PDZRN4: variants seen among roughly 807,000 people sequenced by gnomAD.
PDZRN4 encodes the protein PDZ domain-containing RING finger protein 4.
A neutral mutation model predicts 99.0 loss-of-function variants in PDZRN4; 70 were observed. The ratio of observed to expected loss-of-function variants is 0.71; its 90% CI spans 0.58 to 0.86. The LOEUF is 0.86. Among genes scored for constraint, PDZRN4 ranks in the 40% least tolerant of loss-of-function variants. The probability of loss-of-function intolerance (pLI) is 0.00; values close to 1 mark genes in which losing one functional copy is unlikely to be tolerated. For synonymous variants in PDZRN4, 551 were observed against 501.6 expected, an observed-to-expected ratio of 1.10 and a Z score of -1.32; for missense variants, 1,474 against 1,331.2, an observed-to-expected ratio of 1.11 and a Z score of -1.67.
chr12:41,424,686 A>G (rs1429388454), intron 3 of PDZRN4, among the ~76,000 whole-genome samples: 1 of 152,180 alleles, frequency 6.6e-6, no homozygotes, highest in East Asian at 1.9e-4. Context: ...TTTCATGAAG[A>G]AAAGGTGAAT....
chr12:41,197,584 T>A (rs1950781924), intron 3 of PDZRN4, among the ~76,000 whole-genome samples: 1 of 152,212 alleles, frequency 6.6e-6, no homozygotes, highest in African/African-American at 2.4e-5. Flanking sequence ...AAAATATCAC[T>A]GGAGACTGAA....
intron 5 of PDZRN4, among the ~76,000 whole-genome samples, chr12:41,516,032 C>G (rs569349094): frequency 6.6e-6 from 1 of 152,004 alleles, no homozygotes; most frequent in South Asian, 2.1e-4. Flanking sequence ...TGCCTTTGCT[C>G]ATGGGCTGCT....
At chr12:41,405,123 G>A (rs1485557841) in intron 3 of PDZRN4, among the ~76,000 whole-genome samples, 1 of 151,916 alleles carries the variant, frequency 6.6e-6, no homozygotes, top group African/African-American at 2.4e-5. Flanking sequence ...GTGGGACCTA[G>A]TAACTAAAGA....
intron 3 of PDZRN4, among the ~76,000 whole-genome samples, chr12:41,454,426 AT>A (rs139732984): frequency 9.8e-5 from 15 of 152,286 alleles, no homozygotes; most frequent in South Asian, 4.1e-4. Flanking sequence ...TAAAAGATGT[AT>A]TTTTTTCTTT....
chr12:41,499,226 A>C (rs1251305357), intron 3 of PDZRN4, among the ~76,000 whole-genome samples: 1 of 152,064 alleles, frequency 6.6e-6, no homozygotes, highest in Non-Finnish European at 1.5e-5. Context: ...AACAGTAGAG[A>C]TCCTGGGTGA....
chr12:41,434,486 T>C (rs1436343042), intron 3 of PDZRN4, among the ~76,000 whole-genome samples: 1 of 152,322 alleles, frequency 6.6e-6, no homozygotes, highest in East Asian at 1.9e-4. Flanking sequence ...TAATCTTCAA[T>C]TATTAGTCAG....
intron 3 of PDZRN4, among the ~76,000 whole-genome samples, chr12:41,423,957 G>A (rs536220195): frequency 5.4e-4 from 82 of 152,258 alleles, no homozygotes; most frequent in African/African-American, 1.9e-3. Context: ...AGTTCACGTT[G>A]TAGGGTTGGA....
chr12:41,374,659 G>T (rs1200756897), intron 3 of PDZRN4, among the ~76,000 whole-genome samples: 2 of 152,094 alleles, frequency 1.3e-5, no homozygotes, highest in Admixed American at 6.6e-5. Flanking sequence ...TGAATGGAGG[G>T]GATAAATTGA....
At chr12:41,570,523 G>A (rs1039273544) in intron 9 of PDZRN4, among the ~76,000 whole-genome samples, 4 of 152,138 alleles carry the variant, frequency 2.6e-5, no homozygotes, top group Middle Eastern at 3.4e-3. Flanking sequence ...TATGAATGCC[G>A]TTACATTGTG....
intron 3 of PDZRN4, among the ~76,000 whole-genome samples, chr12:41,431,512 C>T (rs1952585686): frequency 6.6e-6 from 1 of 152,200 alleles, no homozygotes; most frequent in African/African-American, 2.4e-5. Context: ...GAATCTTCCT[C>T]AGGTCTGTTA....
intron 3 of PDZRN4, among the ~76,000 whole-genome samples, chr12:41,435,063 T>G (rs1407045580): frequency 6.6e-6 from 1 of 152,118 alleles, no homozygotes; most frequent in African/African-American, 2.4e-5. Flanking sequence ...GAAGGTAGAA[T>G]CTCTCCAGGG....
chr12:41,340,220 G>A (rs998853737), intron 3 of PDZRN4, among the ~76,000 whole-genome samples: 1 of 151,966 alleles, frequency 6.6e-6, no homozygotes, highest in Non-Finnish European at 1.5e-5. Flanking sequence ...TGCAGTACAT[G>A]TATAGAATAG....
chr12:41,247,220 G>C (rs551461737), intron 3 of PDZRN4, among the ~76,000 whole-genome samples: 152 of 152,234 alleles, frequency 1.0e-3, no homozygotes, highest in Admixed American at 1.7e-3. Flanking sequence ...TATCACAGCT[G>C]GTTGAGAAGA....
chr12:41,485,004 A>G (rs374577385), intron 3 of PDZRN4, among the ~76,000 whole-genome samples: 2 of 152,040 alleles, frequency 1.3e-5, no homozygotes, highest in South Asian at 2.1e-4. Flanking sequence ...ATGCCTCACA[A>G]TCTGCCACTT....
intron 3 of PDZRN4, among the ~76,000 whole-genome samples, chr12:41,455,353 A>C (rs1205608809): frequency 6.6e-6 from 1 of 152,220 alleles, no homozygotes; most frequent in Non-Finnish European, 1.5e-5. Context: ...AAATCTCATG[A>C]AAAAGATAGT....
chr12:41,371,330 C>A (rs546350769), intron 3 of PDZRN4, among the ~76,000 whole-genome samples: 2 of 151,844 alleles, frequency 1.3e-5, no homozygotes, highest in South Asian at 4.2e-4. Context: ...TTTGATTTAT[C>A]AGAAGAAATT....
intron 3 of PDZRN4, among the ~76,000 whole-genome samples, chr12:41,315,404 T>TA (rs1441408905): frequency 2.0e-5 from 3 of 152,296 alleles, no homozygotes; most frequent in African/African-American, 4.8e-5. Context: ...CACTGGCATT[T>TA]GACCTTTGAA....
chr12:41,393,364 G>T (rs942458420), intron 3 of PDZRN4, among the ~76,000 whole-genome samples: 2 of 152,110 alleles, frequency 1.3e-5, no homozygotes, highest in Non-Finnish European at 2.9e-5. Context: ...GTGTGTAGCT[G>T]CTGTGCAACC....
intron 3 of PDZRN4, among the ~76,000 whole-genome samples, chr12:41,405,406 C>T (rs1952339109): frequency 6.6e-6 from 1 of 152,260 alleles, no homozygotes; most frequent in East Asian, 1.9e-4. Context: ...GATGCCATCT[C>T]ACTCCAGTCA....
Sources: gnomAD v4.1 joint callset for allele counts (sites outside exome capture counted in the v4.1 genomes callset) on GRCh38, gnomAD v4.1.1 for gene constraint, MANE v1.5 for transcripts, NCBI Gene and HGNC (gene_info 2026-07-23, HGNC 2026-07-21) for gene names.